Variants in DLG2 observed in about 807,000 individuals in gnomAD.
DLG2 encodes discs large MAGUK scaffold protein 2.
A neutral mutation model predicts 132.5 loss-of-function variants in DLG2; 45 were observed. The ratio of observed to expected loss-of-function variants is 0.34; its 90% confidence interval spans 0.27 to 0.44. The LOEUF (loss-of-function observed/expected upper bound fraction) is 0.44. Among genes scored for constraint, DLG2 ranks in the 20% least tolerant of loss-of-function variants. DLG2 has a pLI of 1.00. For missense variants in DLG2, 1,045 were observed against 1,196.9 expected (o/e 0.87, Z 1.87); for synonymous variants, 424 against 419.6 (o/e 1.01, Z -0.13).
At chr11:83,878,593 G>A (rs896713155) in intron 15 of DLG2, among the ~76,000 whole-genome samples, 2 of 152,064 alleles carry the variant, frequency 1.3e-5, no homozygotes, top group Non-Finnish European at 2.9e-5. Flanking sequence ...TACCACATAT[G>A]CTCAACTTCC....
At chr11:85,522,470 G>A (rs2074391810) in intron 3 of DLG2, among the ~76,000 whole-genome samples, 1 of 152,174 alleles carries the variant, frequency 6.6e-6, no homozygotes, top group Non-Finnish European at 1.5e-5. Context: ...GCCTAGTGGA[G>A]CTGTGAGAAG....
chr11:84,051,114 A>T (rs4373957), intron 11 of DLG2, among the ~76,000 whole-genome samples: 118,948 of 151,662 alleles, frequency 0.78, 47,150 homozygotes, highest in Non-Finnish European at 0.86. Context: ...CATTAAAAAG[A>T]CAGGAAATAA....
At chr11:84,208,463 C>G (rs2096706980) in intron 8 of DLG2, among the ~76,000 whole-genome samples, 1 of 151,576 alleles carries the variant, frequency 6.6e-6, no homozygotes, top group Non-Finnish European at 1.5e-5. Flanking sequence ...CCTGCCTCAG[C>G]CTCCTGAGTA....
chr11:84,145,968 A>AT (rs1392193819), intron 9 of DLG2, among the ~76,000 whole-genome samples: 1 of 152,200 alleles, frequency 6.6e-6, no homozygotes, highest in African/African-American at 2.4e-5. Context: ...TAACACACAC[A>AT]TTTTTTTCCC....
intron 3 of DLG2, among the ~76,000 whole-genome samples, chr11:85,335,348 T>C (rs2082056423): frequency 6.6e-6 from 1 of 152,064 alleles, no homozygotes; most frequent in Admixed American, 6.5e-5. Context: ...CAGCATACAG[T>C]TGGGTCTTTC....
At chr11:85,259,881 T>C (rs556404627) in intron 4 of DLG2, among the ~76,000 whole-genome samples, 7 of 152,268 alleles carry the variant, frequency 4.6e-5, no homozygotes, top group African/African-American at 1.2e-4. Flanking sequence ...TATTCACTTA[T>C]ACATTTCCTG....
At chr11:85,369,803 T>G (rs186585924) in intron 3 of DLG2, among the ~76,000 whole-genome samples, 64 of 152,342 alleles carry the variant, frequency 4.2e-4, no homozygotes, top group African/African-American at 1.5e-3. Context: ...CCTGTCTGTG[T>G]GTGTACTGTG....
At chr11:84,624,686 A>T (rs1381328700) in intron 6 of DLG2, among the ~76,000 whole-genome samples, 1 of 151,358 alleles carries the variant, frequency 6.6e-6, no homozygotes, top group African/African-American at 2.4e-5. Context: ...TCCCCATGAC[A>T]TTCCTCCTTT....
At chr11:83,980,008 T>A (rs188831895) in intron 12 of DLG2, among the ~76,000 whole-genome samples, 4 of 152,202 alleles carry the variant, frequency 2.6e-5, no homozygotes, top group Admixed American at 6.5e-5. Context: ...TTGAAATCTC[T>A]TACTCATAAA....
rs776983374 is a variant in DLG2 at position 83,930,405 on chromosome 11, C to T, written c.1419G>A (p.Glu473=). 2.5e-6 allele frequency: 4 copies of T among 1,613,984 alleles called. No individual in the cohort carries two copies. Among genetic ancestry groups the T allele is most frequent in the African/African-American group, 2.7e-5 (2 of 74,916 alleles). ...CTGAGAGGAGGAAGCTTTTGTCACACTCAACAGGGGAATAGTGCCTGGGAG... is the reference window on the plus strand; with the variant it reads ...CTGAGAGGAGGAAGCTTTTGTCACATTCAACAGGGGAATAGTGCCTGGGAG... ...PASPRHYSPV[E]CDKSFLLSAP... The change falls in exon 15 of 28, where the codon GAG becomes GAA. Residue 473 remains glutamate, a synonymous_variant. Coordinates refer to ENST00000376104, the MANE Select transcript of DLG2 (RefSeq NM_001142699.3).
intron 6 of DLG2, among the ~76,000 whole-genome samples, chr11:84,862,192 T>TAAATAAA (rs553217271): frequency 2.0e-5 from 3 of 151,544 alleles, no homozygotes; most frequent in Non-Finnish European, 4.4e-5. Context: ...ATAATAATAA[T>TAAATAAA]AAATAAAAAA....
rs373876621 is a variant in DLG2 at position 83,980,616 on chromosome 11, C to T, written c.946G>A (p.Val316Met). 131 of 1,612,782 alleles carry T rather than the reference C, an allele frequency of 8.1e-5. No individual in the cohort carries two copies. Among genetic ancestry groups the T allele is most frequent in the Non-Finnish European group, 1.1e-4 (129 of 1,179,430 alleles). ...KGLGFSIAGGVGNQHIPGDNS... is the reference protein window; with the variant it reads ...KGLGFSIAGGMGNQHIPGDNS... ...TCTCCAGGAATGTGTTGGTTCCCCACACCTCCTGCAATACTGAAGCCTAAA... is the reference window on the plus strand; with the variant it reads ...TCTCCAGGAATGTGTTGGTTCCCCATACCTCCTGCAATACTGAAGCCTAAA... Residue 316 changes from valine (V) to methionine (M), a missense_variant, in exon 12 of 28, where the codon GTG (valine) becomes ATG (methionine). Val to Met is a conservative substitution (Grantham distance 21). Coordinates refer to ENST00000376104, the MANE Select transcript of DLG2 (RefSeq NM_001142699.3).
At chr11:85,444,967 T>C (rs1023042618) in intron 3 of DLG2, among the ~76,000 whole-genome samples, 9 of 152,022 alleles carry the variant, frequency 5.9e-5, no homozygotes, top group African/African-American at 1.7e-4. Context: ...AATATAACCA[T>C]GAGAATAAAA....
At chr11:84,840,801 T>G (rs767824491) in intron 6 of DLG2, among the ~76,000 whole-genome samples, 8 of 151,950 alleles carry the variant, frequency 5.3e-5, no homozygotes, top group Non-Finnish European at 8.8e-5. Flanking sequence ...TGAGAACACT[T>G]GGACACAGGT....
At chr11:84,262,135 G>A (rs996745931) in intron 7 of DLG2, among the ~76,000 whole-genome samples, 2 of 152,144 alleles carry the variant, frequency 1.3e-5, no homozygotes, top group African/African-American at 4.8e-5. Context: ...GATAAGGAAA[G>A]TGAGGCATGG....
intron 6 of DLG2, among the ~76,000 whole-genome samples, chr11:84,998,089 T>C (rs1308250222): frequency 2.0e-5 from 3 of 152,198 alleles, no homozygotes; most frequent in African/African-American, 7.2e-5. Context: ...TCATATTTGC[T>C]GCTTAGTCTA....
At chr11:84,984,507 A>C (rs560997691) in intron 6 of DLG2, among the ~76,000 whole-genome samples, 2 of 152,126 alleles carry the variant, frequency 1.3e-5, no homozygotes, top group South Asian at 4.1e-4. Context: ...CAAATCCTGG[A>C]AACACATCAA....
intron 7 of DLG2, among the ~76,000 whole-genome samples, chr11:84,335,193 A>C (rs2098478479): frequency 6.8e-6 from 1 of 146,396 alleles, no homozygotes. Flanking sequence ...AGGAAGGGGA[A>C]GGGAAGGGAA....
intron 6 of DLG2, among the ~76,000 whole-genome samples, chr11:84,673,838 CT>C (rs2099708590): frequency 1.3e-5 from 2 of 151,218 alleles, no homozygotes; most frequent in Admixed American, 1.3e-4. Context: ...TACCTGTCAA[CT>C]ACTCAAAGTC....
Sources: gnomAD v4.1 joint callset for allele counts (sites outside exome capture counted in the v4.1 genomes callset) on GRCh38, gnomAD v4.1.1 for gene constraint, MANE v1.5 for transcripts, NCBI Gene and HGNC (gene_info 2026-07-23, HGNC 2026-07-21) for gene names.